Variants in ARHGAP24 observed in about 807,000 individuals in gnomAD.
The protein encoded by ARHGAP24 is rho GTPase-activating protein 24.
ARHGAP24 carries 50 observed loss-of-function variants against 76.4 expected under a neutral mutation model. The ratio of observed to expected loss-of-function variants is 0.65; its 90% CI spans 0.52 to 0.83. The LOEUF is 0.83. ARHGAP24 is among the 40% of genes least tolerant of loss of function. The probability of loss-of-function intolerance (pLI) is 0.00; values close to 1 mark genes in which losing one functional copy is unlikely to be tolerated. For missense variants in ARHGAP24, 930 were observed against 914.2 expected, an observed-to-expected ratio of 1.02 and a Z score of -0.22; for synonymous variants, 345 against 323.3, an observed-to-expected ratio of 1.07 and a Z score of -0.72.
intron 2 of ARHGAP24, among the ~76,000 whole-genome samples, chr4:85,695,657 C>T (rs75883520): frequency 1.3e-5 from 2 of 152,094 alleles, no homozygotes; most frequent in Admixed American, 1.3e-4. Context: ...TAACTCACAC[C>T]TAAGTCACTT....
At chr4:85,778,899 A>G (rs751807953) in intron 3 of ARHGAP24, 35 of 985,360 alleles carry the variant, frequency 3.6e-5, no homozygotes, top group African/African-American at 5.2e-5. Flanking sequence ...AACTGAAGGC[A>G]GTGGACAGTT....
At chr4:85,605,580 T>G (rs1403610081) in intron 2 of ARHGAP24, among the ~76,000 whole-genome samples, 1 of 152,216 alleles carries the variant, frequency 6.6e-6, no homozygotes, top group Non-Finnish European at 1.5e-5. Flanking sequence ...TAAACTTATG[T>G]AAGAATGCTC....
intron 3 of ARHGAP24, among the ~76,000 whole-genome samples, chr4:85,891,104 G>C (rs1440595822): frequency 1.3e-5 from 2 of 152,242 alleles, no homozygotes; most frequent in East Asian, 3.9e-4. Flanking sequence ...ATGTAAACTG[G>C]ACAGAGATTT....
At chr4:85,856,526 A>G (rs1298608406) in intron 3 of ARHGAP24, among the ~76,000 whole-genome samples, 2 of 143,028 alleles carry the variant, frequency 1.4e-5, no homozygotes, top group Non-Finnish European at 3.0e-5. Flanking sequence ...ACTGGAGTGC[A>G]ATGGCATGAC....
intron 3 of ARHGAP24, among the ~76,000 whole-genome samples, chr4:85,756,945 G>A (rs954855242): frequency 3.9e-5 from 6 of 152,134 alleles, no homozygotes; most frequent in Non-Finnish European, 8.8e-5. Context: ...GGTATTTATT[G>A]GAGCCCCGAG....
chr4:85,923,790 A>G lies in ARHGAP24; in HGVS notation c.391+20A>G, dbSNP rs773142365. The G allele has an allele frequency of 1.9e-6, 3 of 1,613,802 alleles. No individual in the cohort carries two copies. Among genetic ancestry groups the G allele is most frequent in the Admixed American group, 3.3e-5 (2 of 59,970 alleles). ...GAGGAGGTGAGTGTACTTTAAAATC[A>G]TGGAAAAACAGAAAGGTAGACCAAA... is the stretch of plus-strand genomic sequence containing the variant. On this transcript the variant is annotated intron_variant, in intron 4 of 9. Coordinates refer to ENST00000395184, the MANE Select transcript of ARHGAP24 (RefSeq NM_001025616.3).
At chr4:85,675,077 A>T (rs1169606578) in intron 2 of ARHGAP24, among the ~76,000 whole-genome samples, 1 of 152,194 alleles carries the variant, frequency 6.6e-6, no homozygotes, top group Non-Finnish European at 1.5e-5. Flanking sequence ...ATAGGAGAGG[A>T]CACCTCTGGT....
intron 2 of ARHGAP24, among the ~76,000 whole-genome samples, chr4:85,658,351 C>G (rs942371951): frequency 2.0e-5 from 3 of 152,034 alleles, no homozygotes; most frequent in Admixed American, 6.5e-5. Flanking sequence ...CTGAGACAAA[C>G]CTTTTTTCAT....
intron 3 of ARHGAP24, among the ~76,000 whole-genome samples, chr4:85,745,717 A>G (rs1191391443): frequency 6.6e-6 from 1 of 152,232 alleles, no homozygotes; most frequent in African/African-American, 2.4e-5. Flanking sequence ...GAATAATCTC[A>G]TAATAATCTA....
At chr4:85,887,738 GATCTGAAATACTAAAGA>G (rs1733642604) in intron 3 of ARHGAP24, among the ~76,000 whole-genome samples, 1 of 152,046 alleles carries the variant, frequency 6.6e-6, no homozygotes, top group South Asian at 2.1e-4. Context: ...GGTGAATTTT[GATCTGAAATACTAAAGA>G]ATCTAAAGAT....
At chr4:85,931,819 T>C (rs975549201) in intron 4 of ARHGAP24, among the ~76,000 whole-genome samples, 18 of 152,204 alleles carry the variant, frequency 1.2e-4, no homozygotes, top group African/African-American at 3.9e-4. Flanking sequence ...AATAATTAAA[T>C]GGAATGGCTG....
At chr4:85,849,811 G>A (rs1447423376) in intron 3 of ARHGAP24, among the ~76,000 whole-genome samples, 2 of 152,138 alleles carry the variant, frequency 1.3e-5, no homozygotes, top group Non-Finnish European at 2.9e-5. Context: ...CTTGATCTTG[G>A]TGGAGAAGCT....
At chr4:85,577,119 A>G (rs1727409829) in intron 2 of ARHGAP24, among the ~76,000 whole-genome samples, 1 of 151,128 alleles carries the variant, frequency 6.6e-6, no homozygotes, top group Non-Finnish European at 1.5e-5. Context: ...AATACTACTC[A>G]TTCATTTGAT....
At chr4:85,929,064 A>G (rs1158059135) in intron 4 of ARHGAP24, among the ~76,000 whole-genome samples, 1 of 152,188 alleles carries the variant, frequency 6.6e-6, no homozygotes, top group Non-Finnish European at 1.5e-5. Flanking sequence ...GAAGAAAAAA[A>G]TGCTTTCACT....
Position 85,835,423 on chromosome 4 carries a change from G to A in ARHGAP24, c.269-88225G>A, listed in dbSNP as rs1383002930. Among the ~76,000 whole-genome samples, 14 of 151,512 alleles carry A rather than the reference G, an allele frequency of 9.2e-5. No individual in the cohort carries two copies. In the South Asian group the frequency reaches 2.3e-3, roughly 25 times the overall value. On this transcript the variant is annotated intron_variant, in intron 3 of 9. Coordinates refer to ENST00000395184, the MANE Select transcript of ARHGAP24 (RefSeq NM_001025616.3). The stretch of plus-strand genomic sequence containing the variant: ...AAAAATACAAAAATTAGCCAGGCGT[G>A]GTGGCGGGCGTCTGTAGTCCCAGCT...
intron 2 of ARHGAP24, among the ~76,000 whole-genome samples, chr4:85,619,010 T>G (rs1183528737): frequency 6.6e-6 from 1 of 152,090 alleles, no homozygotes; most frequent in South Asian, 2.1e-4. Flanking sequence ...CTGCCTGTGC[T>G]TTTGATGTCA....
At chr4:85,779,414 G>T (rs1292303187) in intron 3 of ARHGAP24, among the ~76,000 whole-genome samples, 3 of 152,124 alleles carry the variant, frequency 2.0e-5, no homozygotes, top group African/African-American at 7.2e-5. Context: ...CCTGGGCAGG[G>T]CAGTCTAGGC....
chr4:85,503,167 G>A (rs1056447630), intron 1 of ARHGAP24, among the ~76,000 whole-genome samples: 1 of 152,192 alleles, frequency 6.6e-6, no homozygotes, highest in South Asian at 2.1e-4. Context: ...AGGGATATGG[G>A]TCTAAAATTC....
intron 3 of ARHGAP24, among the ~76,000 whole-genome samples, chr4:85,848,802 CTA>C (rs1196025223): frequency 6.6e-6 from 1 of 152,088 alleles, no homozygotes; most frequent in African/African-American, 2.4e-5. Context: ...TTCCATTGGT[CTA>C]TATCTCTGTT....
Sources: gnomAD v4.1 joint callset for allele counts (sites outside exome capture counted in the v4.1 genomes callset) on GRCh38, gnomAD v4.1.1 for gene constraint, MANE v1.5 for transcripts, NCBI Gene and HGNC (gene_info 2026-07-23, HGNC 2026-07-21) for gene names.